Variants in PDE7B observed in about 807,000 individuals in gnomAD.
PDE7B encodes the protein phosphodiesterase 7B, also known as 3',5'-cyclic-AMP phosphodiesterase 7B.
Under a neutral mutation model 56.2 loss-of-function variants are expected in PDE7B, and 29 were observed. That is an observed-to-expected ratio of 0.52 (90% CI 0.38 to 0.70). PDE7B has a LOEUF of 0.70. Among genes scored for constraint, PDE7B ranks in the 30% least tolerant of loss-of-function variants. The probability of loss-of-function intolerance (pLI) is 0.00; values close to 1 mark genes in which losing one functional copy is unlikely to be tolerated. For synonymous variants in PDE7B, 197 were observed against 196.9 expected (o/e 1.00, Z 0.00); for missense variants, 490 against 565.0 (o/e 0.87, Z 1.35).
chr6:135,993,989 G>C (rs1775518482), intron 2 of PDE7B, among the ~76,000 whole-genome samples: 1 of 152,166 alleles, frequency 6.6e-6, no homozygotes, highest in South Asian at 2.1e-4. Flanking sequence ...AAAACAGCTT[G>C]CAGAAATCTA....
At chr6:136,182,807 C>T (rs1167585118) in intron 11 of PDE7B, among the ~76,000 whole-genome samples, 1 of 152,176 alleles carries the variant, frequency 6.6e-6, no homozygotes, top group Non-Finnish European at 1.5e-5. Context: ...GGTGCAGTGG[C>T]TCATGCCTGT....
At chr6:136,137,705 C>G (rs1438613316) in intron 3 of PDE7B, among the ~76,000 whole-genome samples, 1 of 151,740 alleles carries the variant, frequency 6.6e-6, no homozygotes, top group Non-Finnish European at 1.5e-5. Flanking sequence ...TTAATCAGCC[C>G]CTATACAGAG....
intron 11 of PDE7B, among the ~76,000 whole-genome samples, chr6:136,183,730 G>C (rs540197246): frequency 7.3e-5 from 11 of 151,606 alleles, no homozygotes; most frequent in African/African-American, 2.7e-4. Flanking sequence ...TTATCTTTCA[G>C]TTTAAGATTT....
intron 2 of PDE7B, among the ~76,000 whole-genome samples, chr6:136,055,177 C>T (rs1776709222): frequency 6.6e-6 from 1 of 152,290 alleles, no homozygotes; most frequent in South Asian, 2.1e-4. Context: ...GGGAGCACTG[C>T]TTCTTAATTT....
At chr6:135,862,526 T>C (rs1775169869) in intron 1 of PDE7B, among the ~76,000 whole-genome samples, 1 of 151,914 alleles carries the variant, frequency 6.6e-6, no homozygotes, top group Non-Finnish European at 1.5e-5. Context: ...CCATTGACTT[T>C]ATTAAATTAG....
chr6:136,000,751 G>T (rs9389352), intron 2 of PDE7B, among the ~76,000 whole-genome samples: 47,226 of 152,070 alleles, frequency 0.31, 8,164 homozygotes, highest in East Asian at 0.45. Context: ...GCCTCTGTAG[G>T]CTCCACCTCT....
At chr6:135,861,722 C>T (rs909290261) in intron 1 of PDE7B, among the ~76,000 whole-genome samples, 1 of 151,704 alleles carries the variant, frequency 6.6e-6, no homozygotes, top group Non-Finnish European at 1.5e-5. Flanking sequence ...TTTGGGAAGA[C>T]TGGCATCTTT....
At chr6:135,867,521 T>G (rs562951308) in intron 1 of PDE7B, among the ~76,000 whole-genome samples, 1 of 152,214 alleles carries the variant, frequency 6.6e-6, no homozygotes, top group East Asian at 1.9e-4. Flanking sequence ...ACAGATTATT[T>G]CATCACCCAA....
At chr6:136,068,835 G>A (rs1345434086) in intron 2 of PDE7B, among the ~76,000 whole-genome samples, 4 of 152,142 alleles carry the variant, frequency 2.6e-5, no homozygotes, top group African/African-American at 7.2e-5. Context: ...AGACTCTTTA[G>A]TTGATTCTCT....
Position 136,191,767 on chromosome 6 carries a change from G to A in PDE7B, c.1280G>A (p.Ser427Asn). Residue 427 changes from serine (S) to asparagine (N), a missense_variant, in exon 13 of 13, where the codon AGT (serine) becomes AAT (asparagine). Coordinates refer to ENST00000308191, the MANE Select transcript of PDE7B (RefSeq NM_018945.4). ...LPRQHRSRGS[S>N]GSGPDHDHAG... The stretch of plus-strand genomic sequence containing the variant: ...AGGCAGCACAGAAGCAGGGGCAGCA[G>A]TGGCAGCGGGCCTGACCACGACCAC... The A allele has an allele frequency of 6.3e-7, 1 of 1,589,426 alleles. No homozygotes were observed. Among genetic ancestry groups the A allele is most frequent in the Non-Finnish European group, 8.6e-7 (1 of 1,168,298 alleles).
At chr6:136,046,639 C>CA (rs1416290295) in intron 2 of PDE7B, among the ~76,000 whole-genome samples, 8 of 152,184 alleles carry the variant, frequency 5.3e-5, no homozygotes, top group Admixed American at 5.2e-4. Context: ...TGCAATTCCC[C>CA]AGGGTATCAG....
chr6:135,945,794 T>C (rs1295766307), intron 1 of PDE7B, among the ~76,000 whole-genome samples: 2 of 152,188 alleles, frequency 1.3e-5, no homozygotes. Flanking sequence ...GAACAAGTTA[T>C]TGATGAAGAC....
intron 2 of PDE7B, among the ~76,000 whole-genome samples, chr6:136,019,292 T>C (rs1776029842): frequency 1.3e-5 from 2 of 152,234 alleles, no homozygotes; most frequent in South Asian, 4.2e-4. Context: ...TATAAGTTAA[T>C]TCATTGAAAT....
intron 1 of PDE7B, among the ~76,000 whole-genome samples, chr6:135,874,545 G>T (rs1022702914): frequency 6.6e-6 from 1 of 151,994 alleles, no homozygotes; most frequent in East Asian, 1.9e-4. Flanking sequence ...AGGAGATTGC[G>T]GTCTTTTATT....
rs1388336064 is a variant in PDE7B at position 136,193,721 on chromosome 6, G to C, written c.*1881G>C. Reference sequence around the variant, plus strand: ...TAGCACTTATTTCCTAAGTGCAACTGTTTTAGAGATTTTTCTCCTAACATG... The same window carrying C: ...TAGCACTTATTTCCTAAGTGCAACTCTTTTAGAGATTTTTCTCCTAACATG... On this transcript the variant is annotated 3_prime_UTR_variant, in exon 13 of 13. Coordinates refer to ENST00000308191, the MANE Select transcript of PDE7B (RefSeq NM_018945.4). The C allele has an allele frequency of 6.6e-6, 1 of 152,162 alleles. No individual in the cohort carries two copies. The highest frequency in any genetic ancestry group is 1.5e-5 in the Non-Finnish European group (1 of 68,038). The allele number at this position is 152,162 out of a possible 1,614,324, so 9.4% of individuals were successfully genotyped here. A position where few individuals can be genotyped will look rare whatever the true frequency, so the allele number is the denominator to read the frequency against.
At chr6:135,924,935 G>T (rs1462792786) in intron 1 of PDE7B, among the ~76,000 whole-genome samples, 1 of 150,224 alleles carries the variant, frequency 6.7e-6, no homozygotes, top group African/African-American at 2.4e-5. Context: ...ACATTTGAAG[G>T]CTGGGTGATG....
chr6:135,879,584 A>G (rs1775567159), intron 1 of PDE7B, among the ~76,000 whole-genome samples: 1 of 152,150 alleles, frequency 6.6e-6, no homozygotes, highest in Non-Finnish European at 1.5e-5. Flanking sequence ...TACTCGTCTC[A>G]GTAGCATTTG....
chr6:136,031,959 C>G (rs1274069579), intron 2 of PDE7B, among the ~76,000 whole-genome samples: 1 of 152,136 alleles, frequency 6.6e-6, no homozygotes, highest in Non-Finnish European at 1.5e-5. Flanking sequence ...TTAACCTGGT[C>G]AAATTCTTGA....
chr6:136,047,588 A>G (rs1776536676), intron 2 of PDE7B: 2 of 152,238 alleles, frequency 1.3e-5, no homozygotes, highest in South Asian at 4.1e-4. Context: ...AAAAATTGTT[A>G]GAAACATACT....
Sources: gnomAD v4.1 joint callset for allele counts (sites outside exome capture counted in the v4.1 genomes callset) on GRCh38, gnomAD v4.1.1 for gene constraint, MANE v1.5 for transcripts, NCBI Gene and HGNC (gene_info 2026-07-23, HGNC 2026-07-21) for gene names.